SPAG6: variants seen among roughly 807,000 people sequenced by gnomAD.
SPAG6 encodes sperm associated antigen 6.
Under a neutral mutation model 58.5 loss-of-function variants are expected in SPAG6, and 49 were observed. The ratio of observed to expected loss-of-function variants is 0.84; its 90% CI spans 0.67 to 1.06. SPAG6 has a LOEUF of 1.06. SPAG6 is among the 50% of genes least tolerant of loss of function. The pLI is 0.00. For synonymous variants in SPAG6, 233 were observed against 225.6 expected (o/e 1.03, Z -0.29); for missense variants, 560 against 611.3 (o/e 0.92, Z 0.89).
chr10:22,403,403 C>A (rs185279586), intron 9 of SPAG6, among the ~76,000 whole-genome samples: 30 of 151,908 alleles, frequency 2.0e-4, no homozygotes, highest in Middle Eastern at 3.4e-3. Flanking sequence ...TTTGTTCTTG[C>A]GATAGTTTAC....
intron 10 of SPAG6, among the ~76,000 whole-genome samples, chr10:22,416,326 T>C (rs540581524): frequency 3.6e-4 from 55 of 152,286 alleles, no homozygotes; most frequent in African/African-American, 1.3e-3. Flanking sequence ...GAAGTCTCTG[T>C]AATAAAATAT....
intron 2 of SPAG6, among the ~76,000 whole-genome samples, chr10:22,349,916 A>G (rs540648663): frequency 6.6e-6 from 1 of 152,288 alleles, no homozygotes; most frequent in East Asian, 1.9e-4. Context: ...TTAACTATCT[A>G]GTACCTCTTA....
chr10:22,403,959 T>G (rs1834481863), intron 9 of SPAG6, among the ~76,000 whole-genome samples: 1 of 151,244 alleles, frequency 6.6e-6, no homozygotes, highest in African/African-American at 2.4e-5. Context: ...CTTCATGTCC[T>G]TCGCCCACTT....
intron 10 of SPAG6, 70 bp from the exon 11 acceptor site, chr10:22,416,549 T>A: frequency 2.3e-6 from 2 of 881,364 alleles, no homozygotes; most frequent in African/African-American, 1.6e-5. Context: ...ATAAATCCCC[T>A]ATATTGAATC....
intron 9 of SPAG6, 117 bp downstream of exon 9, chr10:22,401,394 A>G (rs531949205): frequency 1.8e-5 from 12 of 662,608 alleles, no homozygotes; most frequent in Non-Finnish European, 3.2e-5. Context: ...TTACTGCTTA[A>G]CTCTCACCAA....
At chr10:22,359,410 G>A in intron 2 of SPAG6, 1 of 310,776 alleles carries the variant, frequency 3.2e-6, no homozygotes, top group Non-Finnish European at 4.7e-6. Flanking sequence ...TTTTTTTTGA[G>A]ATGGAGTCTC....
chr10:22,417,376 C>CT lies in SPAG6; in HGVS notation c.*689dup, dbSNP rs1040492923. Reference sequence around the variant, plus strand: ...TTATACTCCTGCATACATGCTCTCCCTCTCATTGAAAGGTTTCTTAGTCTA... The same window carrying CT: ...TTATACTCCTGCATACATGCTCTCCCTTCTCATTGAAAGGTTTCTTAGTCTA... On this transcript the variant is annotated 3_prime_UTR_variant, in exon 11 of 11. Coordinates refer to ENST00000376624, the MANE Select transcript of SPAG6 (RefSeq NM_012443.4). 13 of 152,152 alleles carry CT rather than the reference C, an allele frequency of 8.5e-5. No individual in the cohort carries two copies. Among genetic ancestry groups the CT allele is most frequent in the Non-Finnish European group, 1.9e-4 (13 of 68,022 alleles). 9.4% of individuals were successfully genotyped at this position (152,152 alleles called of 1,614,324 possible).
At chr10:22,403,214 G>A (rs533112004) in intron 9 of SPAG6, among the ~76,000 whole-genome samples, 3 of 151,904 alleles carry the variant, frequency 2.0e-5, no homozygotes, top group East Asian at 1.9e-4. Context: ...TACATGTGCC[G>A]TGCTGGTGCG....
At chr10:22,379,080 G>T (rs1833891293) in intron 4 of SPAG6, among the ~76,000 whole-genome samples, 2 of 152,142 alleles carry the variant, frequency 1.3e-5, no homozygotes, top group African/African-American at 4.8e-5. Context: ...GATGAGAGTA[G>T]GAAAAATGAC....
intron 4 of SPAG6, among the ~76,000 whole-genome samples, chr10:22,376,547 GAC>G (rs1359654408): frequency 2.0e-5 from 3 of 152,030 alleles, no homozygotes; most frequent in East Asian, 3.8e-4. Context: ...GTCTTAAAAA[GAC>G]ATGTGTTATT....
chr10:22,357,459 A>C (rs186912837), intron 2 of SPAG6, among the ~76,000 whole-genome samples: 132 of 152,298 alleles, frequency 8.7e-4, no homozygotes, highest in African/African-American at 3.0e-3. Flanking sequence ...GCCTCTAACT[A>C]TGGGACCATT....
chr10:22,391,677 CTT>C (rs1444295747), intron 7 of SPAG6, 50 bp from the exon 8 acceptor site: 26 of 1,543,046 alleles, frequency 1.7e-5, no homozygotes, highest in Non-Finnish European at 2.2e-5. Context: ...ATGGAAGACT[CTT>C]TAATCCTGCT....
intron 8 of SPAG6, among the ~76,000 whole-genome samples, chr10:22,394,750 G>A (rs1435401267): frequency 6.6e-6 from 1 of 152,092 alleles, no homozygotes; most frequent in Non-Finnish European, 1.5e-5. Flanking sequence ...TCTTTCTGTT[G>A]CAGACTGGAG....
At chr10:22,373,881 A>T (rs1213101411) in intron 4 of SPAG6, among the ~76,000 whole-genome samples, 1 of 152,200 alleles carries the variant, frequency 6.6e-6, no homozygotes. Context: ...AGTGAAAAAA[A>T]TATAAAGTGA....
chr10:22,401,048 G>A (rs367914042), intron 8 of SPAG6, 113 bp from the exon 9 acceptor site: 3 of 665,092 alleles, frequency 4.5e-6, no homozygotes, highest in African/African-American at 3.6e-5. Flanking sequence ...AACAACTGCA[G>A]CTTAGACCAG....
chr10:22,390,487 G>A (rs1021452404), intron 7 of SPAG6, among the ~76,000 whole-genome samples: 22 of 152,172 alleles, frequency 1.4e-4, no homozygotes, highest in Non-Finnish European at 2.6e-4. Flanking sequence ...TTTCGGGCAA[G>A]CCACATAGTA....
chr10:22,348,605 C>G lies in SPAG6; in HGVS notation c.121+2787C>G, dbSNP rs527590235. ...GGGTATCATGATCAAACCAGTAATT[C>G]CCTTGTTAAGAATTTTTGAATTTAT... On this transcript the variant is annotated intron_variant, in intron 2 of 10. Coordinates refer to ENST00000376624, the MANE Select transcript of SPAG6 (RefSeq NM_012443.4). Among the ~76,000 whole-genome samples, 123 of 152,092 alleles carry G rather than the reference C, an allele frequency of 8.1e-4. 3 individuals are homozygous for G. The South Asian group carries it at 0.025, about 31-fold the overall frequency.
At chr10:22,399,584 T>C (rs1163317606) in intron 8 of SPAG6, among the ~76,000 whole-genome samples, 1 of 152,238 alleles carries the variant, frequency 6.6e-6, no homozygotes, top group Non-Finnish European at 1.5e-5. Flanking sequence ...TTATTAATTA[T>C]GATATACATT....
At chr10:22,349,782 A>G (rs1214511021) in intron 2 of SPAG6, among the ~76,000 whole-genome samples, 1 of 152,216 alleles carries the variant, frequency 6.6e-6, no homozygotes, top group African/African-American at 2.4e-5. Context: ...GTGCACCTGT[A>G]TGAAGCTAAT....
Sources: gnomAD v4.1 joint callset for allele counts (sites outside exome capture counted in the v4.1 genomes callset) on GRCh38, gnomAD v4.1.1 for gene constraint, MANE v1.5 for transcripts, NCBI Gene and HGNC (gene_info 2026-07-23, HGNC 2026-07-21) for gene names.